TRIM39: variants seen among roughly 807,000 people sequenced by gnomAD.
The protein encoded by TRIM39 is tripartite motif containing 39, also known as E3 ubiquitin-protein ligase TRIM39.
A neutral mutation model predicts 53.6 loss-of-function variants in TRIM39; 5 were observed. The ratio of observed to expected loss-of-function variants is 0.09; its 90% confidence interval spans 0.05 to 0.20. TRIM39 has a LOEUF of 0.20. TRIM39 is among the 10% of genes least tolerant of loss of function. The pLI is 1.00. For missense variants in TRIM39, 310 were observed against 621.0 expected, an observed-to-expected ratio of 0.50 and a Z score of 5.32; for synonymous variants, 196 against 237.6, an observed-to-expected ratio of 0.82 and a Z score of 1.61.
At chr6:30,334,508 C>T (rs1328190873) in intron 4 of TRIM39, among the ~76,000 whole-genome samples, 1 of 152,190 alleles carries the variant, frequency 6.6e-6, no homozygotes, top group Non-Finnish European at 1.5e-5. Context: ...CTTCTGTAAC[C>T]TGTTCCTGGG....
At position 30,340,046 on chromosome 6, in the gene TRIM39, G is replaced by C. The variant is rs1041033186; in HGVS notation, c.803+116G>C. 9.4e-6 allele frequency: 14 copies of C among 1,492,184 alleles called. No homozygotes were observed. In the African/African-American group the frequency reaches 1.5e-4, roughly 16 times the overall value. The allele number at this position is 1,492,184 out of a possible 1,614,324, so 92.4% of individuals were successfully genotyped here. A position where few individuals can be genotyped will look rare whatever the true frequency, so the allele number is the denominator to read the frequency against. Reference sequence around the variant, plus strand: ...GAAAGTCATGTAGTGTGTCTGGGCAGGGTATGGGAGAATGTTCATTGTGCC... The same window carrying C: ...GAAAGTCATGTAGTGTGTCTGGGCACGGTATGGGAGAATGTTCATTGTGCC... On this transcript the variant is annotated intron_variant, in intron 6 of 7. Coordinates refer to ENST00000396551, the Ensembl canonical transcript of TRIM39.
At position 30,338,832 on chromosome 6, in the gene TRIM39, T is replaced by G. The variant is rs1031852378; in HGVS notation, c.781-1076T>G. Reference sequence around the variant, plus strand: ...TTTAAATAATATATTGCTTTTGATATGTATATATTAATAATACCTCTAAAG... The same window carrying G: ...TTTAAATAATATATTGCTTTTGATAGGTATATATTAATAATACCTCTAAAG... On this transcript the variant is annotated intron_variant, in intron 5 of 7. Transcript: ENST00000396551. This position sits in a 1 kb window ranked among gnomAD's most constrained non-coding sequence, Gnocchi z 4.0. Among the ~76,000 whole-genome samples, 3 of 152,176 alleles carry G rather than the reference T, an allele frequency of 2.0e-5. No individual in the cohort carries two copies. The highest frequency in any genetic ancestry group is 4.1e-4 in the South Asian group (2 of 4,828).
In TRIM39 at chr6:30,333,958, C is replaced by T. The variant is rs184157796; in HGVS notation, c.550-1787C>T. On this transcript the variant is annotated intron_variant, in intron 4 of 7. Transcript: ENST00000396551. ...CACAGTCATGAATGTTAAACTTACACCCATACCTAAACAAACACACATGCA... is the reference window on the plus strand; with the variant it reads ...CACAGTCATGAATGTTAAACTTACATCCATACCTAAACAAACACACATGCA... Among the ~76,000 whole-genome samples the T allele has an allele frequency of 1.7e-3, 263 of 152,334 alleles. 5 individuals are homozygous for T. Among genetic ancestry groups the T allele is most frequent in the Admixed American group, 0.016 (248 of 15,300 alleles).
chr6:30,343,263 C>T (rs1310000263), exon 8 of TRIM39: 1 of 152,662 alleles, frequency 6.6e-6, no homozygotes, highest in Non-Finnish European at 1.5e-5. Flanking sequence ...TGGAGTCTTT[C>T]TCACCCTAAG....
intron 1 of TRIM39, among the ~76,000 whole-genome samples, chr6:30,327,884 A>G (rs1206839438): frequency 6.6e-6 from 1 of 152,236 alleles, no homozygotes; most frequent in Non-Finnish European, 1.5e-5. Context: ...CCAACAATAT[A>G]TACAGGAACA....
At chr6:30,330,289 G>A (rs1004308230) in intron 3 of TRIM39, among the ~76,000 whole-genome samples, 1 of 152,148 alleles carries the variant, frequency 6.6e-6, no homozygotes, top group East Asian at 1.9e-4. Flanking sequence ...TTGAATAAAG[G>A]GAACAGAGAT....
intron 4 of TRIM39, 111 bp downstream of exon 4, chr6:30,330,987 T>C: frequency 7.8e-7 from 1 of 1,278,384 alleles, no homozygotes. Context: ...AATGCAGTTC[T>C]CGCCGGACAT....
In TRIM39 at chr6:30,339,704, C is replaced by T. The variant is rs1787269675; in HGVS notation, c.781-204C>T. Among the ~76,000 whole-genome samples, 1 of 152,204 alleles carries T rather than the reference C, an allele frequency of 6.6e-6. No homozygotes were observed. Among genetic ancestry groups the T allele is most frequent in the African/African-American group, 2.4e-5 (1 of 41,452 alleles). On this transcript the variant is annotated intron_variant, in intron 5 of 7. Transcript: ENST00000396551. This position sits in a 1 kb window ranked among gnomAD's most constrained non-coding sequence, Gnocchi z 4.2. ...GGAAGTGATATAAATGACCAAGCTT[C>T]ATGATGACCAGAAGTTGAAAGTAGG...
chr6:30,334,820 C>T (rs550174482), intron 4 of TRIM39, among the ~76,000 whole-genome samples: 1 of 152,256 alleles, frequency 6.6e-6, no homozygotes, highest in South Asian at 2.1e-4. Context: ...ACTCAAACTC[C>T]AGTGTTCAGG....
chr6:30,337,200 T>C (rs930683117), intron 5 of TRIM39, among the ~76,000 whole-genome samples: 2 of 151,918 alleles, frequency 1.3e-5, no homozygotes, highest in Non-Finnish European at 2.9e-5. Flanking sequence ...GTCAGGAGTT[T>C]GAGACCAGCC....
intron 4 of TRIM39, among the ~76,000 whole-genome samples, chr6:30,332,251 G>C (rs1236181472): frequency 6.6e-6 from 1 of 152,172 alleles, no homozygotes; most frequent in Non-Finnish European, 1.5e-5. Context: ...TTTGACACTG[G>C]GGAACAATGA....
At position 30,342,153 on chromosome 6, in the gene TRIM39, C is replaced by T; in HGVS notation, c.1361C>T (p.Thr454Ile). 6.2e-7 allele frequency: 1 copy of T among 1,613,102 alleles called. No individual in the cohort carries two copies. Among genetic ancestry groups the T allele is most frequent in the Non-Finnish European group, 8.5e-7 (1 of 1,180,042 alleles). The change falls in exon 8 of 8, where the codon ACT (threonine) becomes ATT (isoleucine). Residue 454 changes from threonine to isoleucine, a missense_variant. This residue lies in a region of TRIM39 where 75 missense variants were observed against 244.8 expected (regional missense o/e 0.31). Transcript: ENST00000396551. The surrounding 1 kb of genome is among the most constrained non-coding windows in gnomAD (Gnocchi z 4.7). Reference sequence around the variant, plus strand: ...GACCGCTCTCATATCTACACCTTCACTGATACTTTTACTGAGAAACTTTGG... The same window carrying T: ...GACCGCTCTCATATCTACACCTTCATTGATACTTTTACTGAGAAACTTTGG...
chr6:30,336,525 G>A (rs1024535926), intron 5 of TRIM39, among the ~76,000 whole-genome samples: 1 of 152,230 alleles, frequency 6.6e-6, no homozygotes, highest in Admixed American at 6.5e-5. Context: ...GGTGGTGGTT[G>A]CTGAAGATTG....
intron 5 of TRIM39, among the ~76,000 whole-genome samples, chr6:30,336,423 T>G (rs1786867558): frequency 6.6e-6 from 1 of 152,228 alleles, no homozygotes; most frequent in Admixed American, 6.5e-5. Flanking sequence ...AAAGCGAGTA[T>G]CTTGATAAAG....
chr6:30,331,243 T>G, intron 4 of TRIM39, among the ~76,000 whole-genome samples: 1 of 149,632 alleles, frequency 6.7e-6, no homozygotes, highest in African/African-American at 2.5e-5. Flanking sequence ...TACTCCAGCC[T>G]GGGCAACAGA....
rs772383709 is a variant in TRIM39, at chr6:30,338,839, A to G, written c.781-1069A>G. On this transcript the variant is annotated intron_variant, in intron 5 of 7. Transcript: ENST00000396551. This position sits in a 1 kb window ranked among gnomAD's most constrained non-coding sequence, Gnocchi z 4.0. ...AATATATTGCTTTTGATATGTATAT[A>G]TTAATAATACCTCTAAAGTGTTTGA... Among the ~76,000 whole-genome samples, 1 of 152,202 alleles carries G rather than the reference A, an allele frequency of 6.6e-6. No homozygotes were observed. Among genetic ancestry groups the G allele is most frequent in the Non-Finnish European group, 1.5e-5 (1 of 68,046 alleles).
At chr6:30,327,019 C>T (rs987242188) in intron 1 of TRIM39, 24 bp downstream of exon 1, 62 of 151,930 alleles carry the variant, frequency 4.1e-4, no homozygotes, top group African/African-American at 1.4e-3. Flanking sequence ...CGCCGCCGCG[C>T]CCGAGCCTGG....
intron 1 of TRIM39, among the ~76,000 whole-genome samples, chr6:30,328,598 T>C (rs1292321490): frequency 2.0e-5 from 3 of 152,204 alleles, no homozygotes; most frequent in African/African-American, 7.2e-5. Flanking sequence ...AAATTATGCA[T>C]GGACCTTCTG....
chr6:30,342,312 C>T lies in TRIM39; in HGVS notation c.*53C>T. 1 of 1,569,448 alleles carries T rather than the reference C, an allele frequency of 6.4e-7. No individual in the cohort carries two copies. The highest frequency in any genetic ancestry group is 8.7e-7 in the Non-Finnish European group (1 of 1,149,936). On this transcript the variant is annotated 3_prime_UTR_variant, in exon 8 of 8. Coordinates refer to ENST00000396551, the Ensembl canonical transcript of TRIM39. This position sits in a 1 kb window ranked among gnomAD's most constrained non-coding sequence, Gnocchi z 4.7. ...TGAGGCAGGGTCAAGTGCTACGGGC[C>T]TCCTTCCCGTGTCCTGCTGGAACGT...
Sources: gnomAD v4.1 joint callset for allele counts (sites outside exome capture counted in the v4.1 genomes callset) on GRCh38, gnomAD v4.1.1 for gene constraint, gnomAD v4.1.1 regional missense constraint, Gnocchi (gnomAD v3.1) non-coding constraint, MANE v1.5 for transcripts, NCBI Gene and HGNC (gene_info 2026-07-23, HGNC 2026-07-21) for gene names.